Variants in PPP3CA observed in about 807,000 individuals in gnomAD.
PPP3CA encodes the protein CAM-PRP catalytic subunit.
Under a neutral mutation model 66.5 loss-of-function variants are expected in PPP3CA, and 14 were observed. The ratio of observed to expected loss-of-function variants is 0.21; its 90% CI spans 0.14 to 0.33. PPP3CA has a LOEUF of 0.33. Ranked by LOEUF, PPP3CA falls within the 10% of genes least tolerant of loss-of-function variation. The pLI is 1.00. For missense variants in PPP3CA, 317 were observed against 639.5 expected (o/e 0.50, Z 5.44); for synonymous variants, 232 against 226.2 (o/e 1.03, Z -0.23).
At chr4:101,331,152 C>A (rs566786569) in intron 1 of PPP3CA, among the ~76,000 whole-genome samples, 41 of 152,248 alleles carry the variant, frequency 2.7e-4, no homozygotes, top group African/African-American at 9.9e-4. Flanking sequence ...ATATATTTGG[C>A]CTCATCTTGC....
chr4:101,195,770 C>G, intron 2 of PPP3CA, 146 bp downstream of exon 2: 1 of 639,910 alleles, frequency 1.6e-6, no homozygotes, highest in African/African-American at 1.8e-5. Context: ...GTATAATATA[C>G]TTACTACTCT....
intron 2 of PPP3CA, among the ~76,000 whole-genome samples, chr4:101,161,968 G>A (rs895067697): frequency 2.0e-5 from 3 of 152,148 alleles, no homozygotes; most frequent in African/African-American, 4.8e-5. Context: ...GGCCGGGCGC[G>A]GTGACTCACA....
intron 6 of PPP3CA, among the ~76,000 whole-genome samples, chr4:101,092,414 A>AT (rs1729992742): frequency 1.4e-5 from 2 of 148,048 alleles, no homozygotes; most frequent in African/African-American, 2.6e-5. Context: ...CTGGTGTTGG[A>AT]TTTTTTTGGT....
chr4:101,087,924 C>T (rs1272401543), intron 6 of PPP3CA, among the ~76,000 whole-genome samples: 1 of 152,076 alleles, frequency 6.6e-6, no homozygotes, highest in Non-Finnish European at 1.5e-5. Flanking sequence ...GCAGAATTCC[C>T]AGTGTTACAT....
intron 1 of PPP3CA, among the ~76,000 whole-genome samples, chr4:101,324,039 G>C (rs547738980): frequency 2.0e-5 from 3 of 152,144 alleles, no homozygotes; most frequent in African/African-American, 7.2e-5. Context: ...CTTGAACCTG[G>C]GAGGCAGAGG....
chr4:101,104,669 C>T (rs1730582636), intron 3 of PPP3CA, among the ~76,000 whole-genome samples: 1 of 152,138 alleles, frequency 6.6e-6, no homozygotes, highest in South Asian at 2.1e-4. Context: ...ATTGAAACAA[C>T]AGCATTTACA....
At chr4:101,210,347 T>C (rs747369468) in intron 1 of PPP3CA, among the ~76,000 whole-genome samples, 6 of 152,272 alleles carry the variant, frequency 3.9e-5, no homozygotes, top group Admixed American at 6.5e-5. Flanking sequence ...GACAGTAAGG[T>C]GAAGGAGTTA....
intron 2 of PPP3CA, among the ~76,000 whole-genome samples, chr4:101,135,998 G>A (rs1233688955): frequency 6.6e-6 from 1 of 152,032 alleles, no homozygotes; most frequent in Non-Finnish European, 1.5e-5. Flanking sequence ...CACCTTGCAG[G>A]GCTGTCTGAG....
chr4:101,089,099 C>T (rs1368275049), intron 6 of PPP3CA, among the ~76,000 whole-genome samples: 1 of 152,006 alleles, frequency 6.6e-6, no homozygotes, highest in African/African-American at 2.4e-5. Context: ...ACTAGACATA[C>T]AGGAATTGAG....
At chr4:101,330,355 G>C in intron 1 of PPP3CA, 1 of 499,934 alleles carries the variant, frequency 2.0e-6, no homozygotes, top group Non-Finnish European at 4.0e-6. Flanking sequence ...AGTTTCTTTA[G>C]AATCTAAAAA....
intron 3 of PPP3CA, among the ~76,000 whole-genome samples, chr4:101,105,888 C>T (rs1730644487): frequency 6.6e-6 from 1 of 152,174 alleles, no homozygotes; most frequent in South Asian, 2.1e-4. Context: ...GATTTCCTCA[C>T]TTAGAATGCA....
chr4:101,306,621 G>A (rs1437816235), intron 1 of PPP3CA, among the ~76,000 whole-genome samples: 3 of 152,134 alleles, frequency 2.0e-5, no homozygotes, highest in East Asian at 3.9e-4. Flanking sequence ...AAAAAGACTC[G>A]TATTCTGACT....
At chr4:101,295,307 CAAAAAAAA>C (rs527366396) in intron 1 of PPP3CA, among the ~76,000 whole-genome samples, 12 of 42,042 alleles carry the variant, frequency 2.9e-4, no homozygotes, top group African/African-American at 1.0e-3. Flanking sequence ...GACTCCGTCT[CAAAAAAAA>C]AAAAAAAAAA....
chr4:101,333,654 A>G (rs778855906), intron 1 of PPP3CA, among the ~76,000 whole-genome samples: 11 of 152,168 alleles, frequency 7.2e-5, no homozygotes, highest in Admixed American at 2.6e-4. Flanking sequence ...AACACTGACT[A>G]ACATGTTAGG....
chr4:101,162,358 C>T (rs1247807210), intron 2 of PPP3CA, among the ~76,000 whole-genome samples: 1 of 151,874 alleles, frequency 6.6e-6, no homozygotes, highest in Non-Finnish European at 1.5e-5. Flanking sequence ...TGGTGAAACC[C>T]CATCTCTACT....
chr4:101,207,317 A>G (rs1196250379), intron 1 of PPP3CA, among the ~76,000 whole-genome samples: 1 of 152,224 alleles, frequency 6.6e-6, no homozygotes, highest in African/African-American at 2.4e-5. Context: ...GTATGATTCA[A>G]TTAAAAAGAC....
In PPP3CA at chr4:101,278,144, A is replaced by AAAAAAAAAAT. The variant is rs1163329750; in HGVS notation, c.58+68594_58+68595insATTTTTTTTT. Among the ~76,000 whole-genome samples the AAAAAAAAAAT allele has an allele frequency of 5.5e-5, 8 of 145,246 alleles. No individual in the cohort carries two copies. In the South Asian group the frequency reaches 6.4e-4, roughly 12 times the overall value. ...TAGTAAAAAAAAAAAAAAAAATAAA[A>AAAAAAAAAAT]AAATTAAAAAGTTATTTTAACTACG... On this transcript the variant is annotated intron_variant, in intron 1 of 13. Coordinates refer to ENST00000394854, the MANE Select transcript of PPP3CA (RefSeq NM_000944.5).
chr4:101,171,350 CAA>C (rs35058537), intron 2 of PPP3CA: 232 of 191,108 alleles, frequency 1.2e-3, no homozygotes, highest in South Asian at 2.9e-3. Flanking sequence ...ACAATTCTTT[CAA>C]AAAAAAAAAA....
intron 1 of PPP3CA, among the ~76,000 whole-genome samples, chr4:101,290,500 A>G (rs1398691057): frequency 2.0e-5 from 3 of 152,244 alleles, no homozygotes; most frequent in African/African-American, 7.2e-5. Context: ...TGAGAATGTA[A>G]GCCTAAGAAA....
Sources: gnomAD v4.1 joint callset for allele counts (sites outside exome capture counted in the v4.1 genomes callset) on GRCh38, gnomAD v4.1.1 for gene constraint, MANE v1.5 for transcripts, NCBI Gene and HGNC (gene_info 2026-07-23, HGNC 2026-07-21) for gene names.